The following ZBTB20 variants were observed in gnomAD, a reference collection of about 807,000 sequenced individuals.
The protein encoded by ZBTB20 is zinc finger and BTB domain-containing protein 20.
ZBTB20 carries 9 observed loss-of-function variants against 56.9 expected under a neutral mutation model. The observed-to-expected ratio is 0.16, with a 90% CI of 0.10 to 0.28. The LOEUF is 0.28. ZBTB20 is among the 10% of genes least tolerant of loss of function. The pLI is 1.00. For synonymous variants in ZBTB20, 417 were observed against 420.7 expected, an observed-to-expected ratio of 0.99 and a Z score of 0.11; for missense variants, 655 against 1,003.0, an observed-to-expected ratio of 0.65 and a Z score of 4.69.
rs1441490008 is a variant in ZBTB20 at position 114,316,009 on chromosome 3, T to G, written c.*22996A>C. ...TTTATTTCAAACATTAAGAGAGTAC[T>G]GATTTTCACATGGTAGTTCTGAGTC... On this transcript the variant is annotated 3_prime_UTR_variant, in exon 12 of 12. Coordinates refer to ENST00000675478, the MANE Select transcript of ZBTB20 (RefSeq NM_001348800.3). 1.2e-5 allele frequency: 2 copies of G among 164,852 alleles called. No homozygotes were observed. The highest frequency in any genetic ancestry group is 6.5e-5 in the Admixed American group (1 of 15,362). 10.2% of individuals were successfully genotyped at this position (164,852 alleles called of 1,614,324 possible).
Position 114,517,582 on chromosome 3 carries a change from C to CT in ZBTB20, c.-294-17192dup, listed in dbSNP as rs571878509. On this transcript the variant is annotated intron_variant, in intron 6 of 11. Transcript: ENST00000675478. The stretch of plus-strand genomic sequence containing the variant: ...TTCGTCAGTCAATCAACACATATTT[C>CT]TTTTTTTTTTTTTTGACCAAATTTC... 9.6e-3 allele frequency among the ~76,000 whole-genome samples: 1,363 copies of CT among 142,278 alleles called. 19 individuals are homozygous for CT. Among genetic ancestry groups the CT allele is most frequent in the African/African-American group, 0.027 (1,066 of 38,878 alleles). The allele number at this position is 142,278 out of a possible 152,430, so 93.3% of individuals were successfully genotyped here. A position where few individuals can be genotyped will look rare whatever the true frequency, so the allele number is the denominator to read the frequency against.
chr3:115,089,869 C>A (rs1439456401), intron 1 of ZBTB20, among the ~76,000 whole-genome samples: 4 of 151,766 alleles, frequency 2.6e-5, no homozygotes, highest in Non-Finnish European at 5.9e-5. Flanking sequence ...CAAGCCTAAA[C>A]TTTTCTTATA....
intron 2 of ZBTB20, among the ~76,000 whole-genome samples, chr3:115,069,220 C>T (rs888254218): frequency 2.6e-5 from 4 of 152,152 alleles, no homozygotes; most frequent in African/African-American, 9.7e-5. Context: ...CAGTACAATG[C>T]CAACTATTAG....
rs2079215353 is a variant in ZBTB20 at position 114,330,615 on chromosome 3, A to G, written c.*8390T>C. 6.6e-6 allele frequency: 1 copy of G among 152,256 alleles called. No homozygotes were observed. Among genetic ancestry groups the G allele is most frequent in the African/African-American group, 2.4e-5 (1 of 41,474 alleles). The allele number at this position is 152,256 out of a possible 1,614,324, so 9.4% of individuals were successfully genotyped here. On this transcript the variant is annotated 3_prime_UTR_variant, in exon 12 of 12. Transcript: ENST00000675478. The stretch of plus-strand genomic sequence containing the variant: ...TTACAGACTTCTTTTGGATATAGAA[A>G]GACAATATACATTTTAAAAAGTAAT...
chr3:114,583,550 C>A (rs2054872459), intron 6 of ZBTB20, among the ~76,000 whole-genome samples: 1 of 151,850 alleles, frequency 6.6e-6, no homozygotes, highest in Non-Finnish European at 1.5e-5. Context: ...ACAGTATGAC[C>A]TACTTAAGTG....
At chr3:114,950,600 T>A (rs550883712) in intron 3 of ZBTB20, among the ~76,000 whole-genome samples, 2 of 152,256 alleles carry the variant, frequency 1.3e-5, no homozygotes, top group African/African-American at 4.8e-5. Flanking sequence ...TATAATAACA[T>A]TGAAAATTAT....
intron 6 of ZBTB20, among the ~76,000 whole-genome samples, chr3:114,526,541 C>T (rs2109986832): frequency 6.6e-6 from 1 of 152,214 alleles, no homozygotes; most frequent in South Asian, 2.1e-4. Flanking sequence ...TAATAGCCCA[C>T]TGTGCATTTT....
At chr3:114,533,616 C>A (rs1193692892) in intron 6 of ZBTB20, among the ~76,000 whole-genome samples, 5 of 152,126 alleles carry the variant, frequency 3.3e-5, no homozygotes, top group Non-Finnish European at 7.4e-5. Context: ...GGCCAACATT[C>A]AAATTCAGGA....
At chr3:114,780,595 CT>C (rs1295961595) in intron 5 of ZBTB20, among the ~76,000 whole-genome samples, 1 of 152,194 alleles carries the variant, frequency 6.6e-6, no homozygotes. Flanking sequence ...TCAAGCGATT[CT>C]CCTGCCTCAG....
At chr3:114,823,188 G>C (rs1322959425) in intron 4 of ZBTB20, among the ~76,000 whole-genome samples, 1 of 152,032 alleles carries the variant, frequency 6.6e-6, no homozygotes, top group African/African-American at 2.4e-5. Flanking sequence ...GATTAACACA[G>C]AGAATGAGAA....
chr3:115,066,914 T>C (rs974450752), intron 2 of ZBTB20, among the ~76,000 whole-genome samples: 1 of 152,106 alleles, frequency 6.6e-6, no homozygotes, highest in Non-Finnish European at 1.5e-5. Flanking sequence ...ATTATTAAAG[T>C]GCTTTTACCA....
intron 6 of ZBTB20, among the ~76,000 whole-genome samples, chr3:114,624,678 C>G (rs1286603936): frequency 6.6e-6 from 1 of 152,028 alleles, no homozygotes; most frequent in East Asian, 1.9e-4. Context: ...CACTGCTGTA[C>G]CATCCAGACA....
intron 6 of ZBTB20, among the ~76,000 whole-genome samples, chr3:114,597,069 G>C (rs2056377961): frequency 1.3e-5 from 2 of 152,152 alleles, no homozygotes; most frequent in South Asian, 4.2e-4. Flanking sequence ...AAGGCCCACA[G>C]GCACAGATAA....
At chr3:114,737,976 G>T (rs1304546270) in intron 5 of ZBTB20, among the ~76,000 whole-genome samples, 1 of 151,972 alleles carries the variant, frequency 6.6e-6, no homozygotes, top group Admixed American at 6.6e-5. Flanking sequence ...CACCCTTTCT[G>T]CTAATTAAGT....
intron 2 of ZBTB20, among the ~76,000 whole-genome samples, chr3:114,985,324 T>C (rs1432887513): frequency 6.6e-6 from 1 of 152,078 alleles, no homozygotes; most frequent in Non-Finnish European, 1.5e-5. Flanking sequence ...TAGTTCTTTT[T>C]TCAGTTGAAT....
At chr3:115,063,851 A>G (rs2082106066) in intron 2 of ZBTB20, among the ~76,000 whole-genome samples, 2 of 152,166 alleles carry the variant, frequency 1.3e-5, no homozygotes, top group South Asian at 4.1e-4. Flanking sequence ...TAGACATAAT[A>G]TATTAACTTC....
intron 7 of ZBTB20, among the ~76,000 whole-genome samples, chr3:114,475,773 C>G (rs1335654681): frequency 6.6e-6 from 1 of 152,266 alleles, no homozygotes; most frequent in East Asian, 1.9e-4. Flanking sequence ...AAATAACATT[C>G]AAATATGTAG....
At chr3:114,663,651 G>GAAAC (rs1244771015) in intron 6 of ZBTB20, among the ~76,000 whole-genome samples, 452 of 151,244 alleles carry the variant, frequency 3.0e-3, no homozygotes, top group Admixed American at 5.4e-3. Context: ...CCCATCTCAC[G>GAAAC]TGCAGAGACA....
intron 2 of ZBTB20, among the ~76,000 whole-genome samples, chr3:115,017,565 T>C (rs2080023193): frequency 6.6e-6 from 1 of 151,534 alleles, no homozygotes. Context: ...AATTTTTATT[T>C]AGATAGATCA....
Sources: gnomAD v4.1 joint callset for allele counts (sites outside exome capture counted in the v4.1 genomes callset) on GRCh38, gnomAD v4.1.1 for gene constraint, MANE v1.5 for transcripts, NCBI Gene and HGNC (gene_info 2026-07-23, HGNC 2026-07-21) for gene names.